Variants in ZNF804B observed in about 807,000 individuals in gnomAD.
ZNF804B encodes zinc finger protein 804B.
Under a neutral mutation model 101.4 loss-of-function variants are expected in ZNF804B, and 80 were observed. The ratio of observed to expected loss-of-function variants is 0.79; its 90% CI spans 0.66 to 0.95. ZNF804B has a LOEUF of 0.95. Among genes scored for constraint, ZNF804B ranks in the 40% least tolerant of loss-of-function variants. The pLI, the probability that ZNF804B is intolerant of heterozygous loss-of-function variation, is 0.00. For missense variants in ZNF804B, 1,673 were observed against 1,561.9 expected, an observed-to-expected ratio of 1.07 and a Z score of -1.20; for synonymous variants, 622 against 558.8, an observed-to-expected ratio of 1.11 and a Z score of -1.59.
intron 1 of ZNF804B, among the ~76,000 whole-genome samples, chr7:88,987,300 C>T (rs1029021165): frequency 6.6e-6 from 1 of 152,086 alleles, no homozygotes; most frequent in Admixed American, 6.6e-5. Flanking sequence ...CTGAACTGGA[C>T]TCCAAGTACC....
At chr7:88,888,936 C>G (rs116013262) in intron 1 of ZNF804B, among the ~76,000 whole-genome samples, 1,824 of 152,250 alleles carry the variant, frequency 0.012, 33 homozygotes, top group African/African-American at 0.042. Flanking sequence ...AGCCCTTGCC[C>G]TCTTCCTCTC....
At chr7:88,811,543 A>T (rs73198691) in intron 1 of ZNF804B, among the ~76,000 whole-genome samples, 1 of 152,066 alleles carries the variant, frequency 6.6e-6, no homozygotes, top group Admixed American at 6.5e-5. Context: ...CTGCAGCACT[A>T]TTTACAATAT....
intron 2 of ZNF804B, among the ~76,000 whole-genome samples, chr7:89,290,527 A>G (rs1790273245): frequency 6.6e-6 from 1 of 152,106 alleles, no homozygotes. Context: ...ATTCACCACA[A>G]GCTGACTAAA....
chr7:89,208,517 A>G lies in ZNF804B; in HGVS notation c.109-9638A>G, dbSNP rs187616764. Among the ~76,000 whole-genome samples, 3 of 152,368 alleles carry G rather than the reference A, an allele frequency of 2.0e-5. No homozygotes were observed. In the East Asian group the frequency reaches 5.8e-4, roughly 29 times the overall value. ...CTCTTTTTCCTTCCATTAGACAGAT[A>G]AGCATGATTAAGCGATTAAGCAATA... On this transcript the variant is annotated intron_variant, in intron 1 of 3. Coordinates refer to ENST00000333190, the MANE Select transcript of ZNF804B (RefSeq NM_181646.5).
chr7:89,035,880 T>G (rs931198529), intron 1 of ZNF804B, among the ~76,000 whole-genome samples: 19 of 146,146 alleles, frequency 1.3e-4, no homozygotes, highest in African/African-American at 4.7e-4. Flanking sequence ...ATATTATATA[T>G]TCATATACAT....
chr7:88,929,018 C>A (rs1792845677), intron 1 of ZNF804B, among the ~76,000 whole-genome samples: 1 of 151,848 alleles, frequency 6.6e-6, no homozygotes, highest in Non-Finnish European at 1.5e-5. Context: ...TTTAGTGATG[C>A]AAGTTTGTCT....
chr7:89,083,451 G>A (rs1484794069), intron 1 of ZNF804B, among the ~76,000 whole-genome samples: 1 of 151,682 alleles, frequency 6.6e-6, no homozygotes, highest in Non-Finnish European at 1.5e-5. Flanking sequence ...TAGTGGCTCA[G>A]CAGGATCATA....
At chr7:89,032,180 C>G (rs1683466778) in intron 1 of ZNF804B, among the ~76,000 whole-genome samples, 1 of 151,586 alleles carries the variant, frequency 6.6e-6, no homozygotes, top group Admixed American at 6.6e-5. Context: ...GATTTTTTTC[C>G]CCCTCAAGTT....
intron 1 of ZNF804B, among the ~76,000 whole-genome samples, chr7:89,194,474 T>G (rs1418882537): frequency 6.6e-6 from 1 of 150,966 alleles, no homozygotes; most frequent in African/African-American, 2.4e-5. Context: ...TAATCCATCT[T>G]GAATTAATTT....
chr7:89,270,002 C>T (rs1205591059), intron 2 of ZNF804B, among the ~76,000 whole-genome samples: 1 of 152,048 alleles, frequency 6.6e-6, no homozygotes. Context: ...AATTTTCTTC[C>T]ATTTTGTGGG....
At chr7:88,993,555 G>A (rs1330898790) in intron 1 of ZNF804B, among the ~76,000 whole-genome samples, 2 of 151,958 alleles carry the variant, frequency 1.3e-5, no homozygotes, top group African/African-American at 2.4e-5. Context: ...TATCTGCACT[G>A]AACAAATGCT....
intron 1 of ZNF804B, among the ~76,000 whole-genome samples, chr7:89,169,323 C>G (rs764204676): frequency 1.3e-5 from 2 of 152,142 alleles, no homozygotes; most frequent in Non-Finnish European, 2.9e-5. Context: ...ACTCGCGGCT[C>G]GAATGCCTGA....
chr7:89,008,117 T>C (rs1285838495), intron 1 of ZNF804B, among the ~76,000 whole-genome samples: 1 of 152,182 alleles, frequency 6.6e-6, no homozygotes, highest in Non-Finnish European at 1.5e-5. Flanking sequence ...AGATAGTCTA[T>C]CAGACAGCTT....
intron 1 of ZNF804B, among the ~76,000 whole-genome samples, chr7:88,913,090 AAAG>A (rs1287090656): frequency 2.0e-5 from 3 of 152,158 alleles, no homozygotes; most frequent in South Asian, 2.1e-4. Context: ...TATTTACACA[AAAG>A]AAGTGGGTTC....
chr7:89,297,943 G>A (rs766414102), intron 2 of ZNF804B, among the ~76,000 whole-genome samples: 10 of 147,720 alleles, frequency 6.8e-5, no homozygotes, highest in Non-Finnish European at 1.2e-4. Context: ...TGTTTCCTGG[G>A]TCTAGGATCT....
At chr7:89,257,621 C>A (rs1474087260) in intron 2 of ZNF804B, among the ~76,000 whole-genome samples, 2 of 151,804 alleles carry the variant, frequency 1.3e-5, no homozygotes, top group Non-Finnish European at 2.9e-5. Context: ...ATATTTTTAA[C>A]TTTTATTTTA....
chr7:89,292,669 A>G lies in ZNF804B; in HGVS notation c.250-34675A>G, dbSNP rs73401131. Among the ~76,000 whole-genome samples, 531 of 151,732 alleles carry G rather than the reference A, an allele frequency of 3.5e-3. 5 individuals carry two copies. The highest frequency in any genetic ancestry group is 0.012 in the African/African-American group (508 of 41,446). ...ACGAAGACCACAAAACAACCAGAAA[A>G]CAAATTAAAAAATGGCACTAGTGAA... On this transcript the variant is annotated intron_variant, in intron 2 of 3. Coordinates refer to ENST00000333190, the MANE Select transcript of ZNF804B (RefSeq NM_181646.5).
intron 1 of ZNF804B, chr7:88,794,858 T>C (rs1211714115): frequency 1.2e-6 from 2 of 1,613,472 alleles, no homozygotes; most frequent in Non-Finnish European, 1.7e-6. Flanking sequence ...TGCAGGTAAT[T>C]GCTACGTGGG....
intron 1 of ZNF804B, among the ~76,000 whole-genome samples, chr7:88,979,608 C>CTT (rs141128834): frequency 2.5e-4 from 35 of 142,634 alleles, no homozygotes; most frequent in African/African-American, 5.4e-4. Flanking sequence ...CTTTTTCTTT[C>CTT]TTTTTTTTTT....
Sources: gnomAD v4.1 joint callset for allele counts (sites outside exome capture counted in the v4.1 genomes callset) on GRCh38, gnomAD v4.1.1 for gene constraint, MANE v1.5 for transcripts, NCBI Gene and HGNC (gene_info 2026-07-23, HGNC 2026-07-21) for gene names.